The following APC variants were observed in gnomAD, a reference collection of about 807,000 sequenced individuals.
APC encodes APC regulator of Wnt signaling pathway, also known as adenomatous polyposis coli protein.
A neutral mutation model predicts 247.0 loss-of-function variants in APC; 72 were observed. The observed-to-expected ratio is 0.29, with a 90% CI of 0.24 to 0.35. The LOEUF is 0.35. APC is among the 10% of genes least tolerant of loss of function. The pLI, the probability that APC is intolerant of heterozygous loss-of-function variation, is 1.00. For missense variants in APC, 3,400 were observed against 3,360.7 expected, an observed-to-expected ratio of 1.01 and a Z score of -0.29; for synonymous variants, 1,254 against 1,162.5, an observed-to-expected ratio of 1.08 and a Z score of -1.60.
chr5:112,843,642 T>C lies in APC; in HGVS notation c.8048T>C (p.Ile2683Thr), dbSNP rs1561620223. 1 of 1,613,818 alleles carries C rather than the reference T, an allele frequency of 6.2e-7. No individual in the cohort carries two copies. Among genetic ancestry groups the C allele is most frequent in the South Asian group, 1.1e-5 (1 of 91,074 alleles). The change falls in exon 16 of 16, where the codon ATT (isoleucine) becomes ACT (threonine). Residue 2683 changes from isoleucine to threonine, a missense_variant. Transcript: ENST00000257430. This position sits in a 1 kb window ranked among gnomAD's most constrained non-coding sequence, Gnocchi z 4.8. ...CCCACAGGTAATACTCCCCCGGTGATTGACAGTGTTTCAGAAAAGGCAAAT... is the reference window on the plus strand; with the variant it reads ...CCCACAGGTAATACTCCCCCGGTGACTGACAGTGTTTCAGAAAAGGCAAAT... The part of the protein sequence containing the change: ...RSPTGNTPPV[I>T]DSVSEKANPN...
chr5:112,738,907 A>G (rs1424880967), intron 1 of APC, among the ~76,000 whole-genome samples: 1 of 152,230 alleles, frequency 6.6e-6, no homozygotes, highest in East Asian at 1.9e-4. Context: ...ATCTTAATAA[A>G]TTATGTATGA....
rs766559927 is a variant in APC, at chr5:112,841,813, T to G, written c.6219T>G (p.Gly2073=). 2.7e-5 allele frequency: 44 copies of G among 1,613,858 alleles called. No individual in the cohort carries two copies. The East Asian group carries it at 9.4e-4, about 34-fold the overall frequency. The part of the protein sequence containing the change: ...HSPRNMGGIL[G]EDLTLDLKDI... Reference sequence around the variant, plus strand: ...CCAGAAATATGGGTGGCATATTAGGTGAAGATCTGACACTTGATTTGAAAG... The same window carrying G: ...CCAGAAATATGGGTGGCATATTAGGGGAAGATCTGACACTTGATTTGAAAG... The change falls in exon 16 of 16, where the codon GGT becomes GGG. Residue 2073 remains glycine (G), a synonymous_variant. Coordinates refer to ENST00000257430, the MANE Select transcript of APC (RefSeq NM_000038.6). This position sits in a 1 kb window ranked among gnomAD's most constrained non-coding sequence, Gnocchi z 4.6.
chr5:112,792,018 C>A (rs1330729914), intron 6 of APC, among the ~76,000 whole-genome samples: 1 of 152,146 alleles, frequency 6.6e-6, no homozygotes, highest in African/African-American at 2.4e-5. Context: ...GAAGCCGAGG[C>A]AGGCGGATCA....
intron 8 of APC, among the ~76,000 whole-genome samples, chr5:112,809,393 A>G (rs1021928826): frequency 2.6e-5 from 4 of 152,008 alleles, no homozygotes; most frequent in Admixed American, 2.0e-4. Context: ...GAGGTAGGCT[A>G]TTAGATTTGG....
intron 2 of APC, among the ~76,000 whole-genome samples, chr5:112,759,439 C>A (rs1755403749): frequency 6.8e-6 from 1 of 147,340 alleles, no homozygotes; most frequent in African/African-American, 2.5e-5. Context: ...CTGTCTGCAA[C>A]CTCCGCCTCC....
intron 8 of APC, among the ~76,000 whole-genome samples, chr5:112,805,113 T>C (rs958566046): frequency 1.3e-5 from 2 of 152,198 alleles, no homozygotes; most frequent in Non-Finnish European, 2.9e-5. Flanking sequence ...TAAACTGTTA[T>C]CAATAGTTAT....
chr5:112,774,623 G>T (rs561374620), intron 4 of APC, among the ~76,000 whole-genome samples: 75 of 151,916 alleles, frequency 4.9e-4, no homozygotes, highest in Non-Finnish European at 9.4e-4. Flanking sequence ...ACCACACCTG[G>T]CTAGTTTTTG....
At chr5:112,820,220 CACT>C (rs1190866159) in intron 10 of APC, among the ~76,000 whole-genome samples, 4 of 151,354 alleles carry the variant, frequency 2.6e-5, no homozygotes, top group Admixed American at 6.6e-5. Context: ...CACACACGTG[CACT>C]ACAAGTAGAT....
chr5:112,810,541 T>A (rs184689121), intron 8 of APC, among the ~76,000 whole-genome samples: 129 of 152,304 alleles, frequency 8.5e-4, no homozygotes, highest in African/African-American at 2.8e-3. Context: ...ACCATAAATG[T>A]ATATCGACAG....
chr5:112,754,739 G>A, intron 1 of APC, 134 bp from the exon 2 acceptor site: 2 of 768,294 alleles, frequency 2.6e-6, no homozygotes, highest in Admixed American at 2.5e-5. Flanking sequence ...ATTGTTTTGA[G>A]ACCAAAAACT....
At chr5:112,765,563 T>C (rs1242842575) in intron 2 of APC, among the ~76,000 whole-genome samples, 1 of 152,236 alleles carries the variant, frequency 6.6e-6, no homozygotes, top group Non-Finnish European at 1.5e-5. Flanking sequence ...TCAAATATTT[T>C]GTCTTGCATT....
At chr5:112,810,425 T>C in intron 8 of APC, 1 of 205,732 alleles carries the variant, frequency 4.9e-6, no homozygotes, top group Non-Finnish European at 1.0e-5. Context: ...GCCACAGTTT[T>C]ATATGATACA....
intron 6 of APC, among the ~76,000 whole-genome samples, chr5:112,783,958 A>G (rs1324710438): frequency 6.7e-6 from 1 of 149,094 alleles, no homozygotes; most frequent in African/African-American, 2.5e-5. Flanking sequence ...GTAAGGTACT[A>G]TTTTTTTTTT....
intron 5 of APC, among the ~76,000 whole-genome samples, chr5:112,776,553 G>T (rs1244564932): frequency 2.6e-5 from 4 of 152,104 alleles, no homozygotes; most frequent in Non-Finnish European, 5.9e-5. Flanking sequence ...GTTAAGAAAT[G>T]ACTCAACATG....
intron 1 of APC, among the ~76,000 whole-genome samples, chr5:112,750,651 A>G (rs1454992792): frequency 6.6e-6 from 1 of 152,096 alleles, no homozygotes; most frequent in Non-Finnish European, 1.5e-5. Context: ...TACCCTAAGA[A>G]TCTCCTTTAT....
intron 8 of APC, among the ~76,000 whole-genome samples, chr5:112,808,357 G>GT (rs1761634232): frequency 6.6e-6 from 1 of 152,156 alleles, no homozygotes; most frequent in South Asian, 2.1e-4. Flanking sequence ...TCTGATATCT[G>GT]TTCTAATCTG....
At chr5:112,774,870 G>C (rs1343529893) in intron 4 of APC, among the ~76,000 whole-genome samples, 5 of 152,094 alleles carry the variant, frequency 3.3e-5, no homozygotes. Context: ...ATATAAGTAT[G>C]CACATATGTC....
intron 13 of APC, among the ~76,000 whole-genome samples, 177 bp from the exon 14 acceptor site, chr5:112,828,679 T>C (rs1267466837): frequency 6.6e-6 from 1 of 151,942 alleles, no homozygotes; most frequent in Non-Finnish European, 1.5e-5. Context: ...GAACTCCTGG[T>C]CTCAGGAGAT....
chr5:112,787,693 C>T (rs1282129313), intron 6 of APC, among the ~76,000 whole-genome samples: 1 of 152,112 alleles, frequency 6.6e-6, no homozygotes, highest in Non-Finnish European at 1.5e-5. Flanking sequence ...TGATACCAAT[C>T]CTTTGTAGAT....
Sources: gnomAD v4.1 joint callset for allele counts (sites outside exome capture counted in the v4.1 genomes callset) on GRCh38, gnomAD v4.1.1 for gene constraint, Gnocchi (gnomAD v3.1) non-coding constraint, MANE v1.5 for transcripts, NCBI Gene and HGNC (gene_info 2026-07-23, HGNC 2026-07-21) for gene names.